Variants in KIF16B observed in about 807,000 individuals in gnomAD.
KIF16B encodes the protein kinesin-like protein KIF16B.
Under a neutral mutation model 156.3 loss-of-function variants are expected in KIF16B, and 98 were observed. The ratio of observed to expected loss-of-function variants is 0.63; its 90% CI spans 0.53 to 0.74. The LOEUF (loss-of-function observed/expected upper bound fraction) is 0.74, where lower values mean the gene tolerates loss of function less well. Ranked by LOEUF, KIF16B falls within the 30% of genes least tolerant of loss-of-function variation. The pLI is 0.00. For missense variants in KIF16B, 1,421 were observed against 1,606.5 expected (o/e 0.88, Z 1.97); for synonymous variants, 564 against 583.7 (o/e 0.97, Z 0.49).
At chr20:16,330,366 T>C (rs2063926547) in intron 24 of KIF16B, among the ~76,000 whole-genome samples, 1 of 152,232 alleles carries the variant, frequency 6.6e-6, no homozygotes, top group Non-Finnish European at 1.5e-5. Flanking sequence ...AGCTGAATGA[T>C]GGTTAAGGAA....
intron 12 of KIF16B, among the ~76,000 whole-genome samples, chr20:16,483,078 T>G (rs1026671314): frequency 2.0e-5 from 3 of 152,290 alleles, no homozygotes; most frequent in Admixed American, 6.5e-5. Flanking sequence ...CTCAAAAAGT[T>G]GTTGGGAACT....
chr20:16,433,488 T>C (rs1260988981), intron 12 of KIF16B, among the ~76,000 whole-genome samples: 5 of 152,170 alleles, frequency 3.3e-5, no homozygotes, highest in Admixed American at 1.3e-4. Context: ...TTGTTTTTCC[T>C]TGAAATAAGA....
intron 23 of KIF16B, among the ~76,000 whole-genome samples, chr20:16,353,936 G>A (rs930190362): frequency 1.3e-5 from 2 of 152,134 alleles, no homozygotes; most frequent in African/African-American, 4.8e-5. Context: ...TAGCACCTAG[G>A]GACGAACAGA....
intron 15 of KIF16B, among the ~76,000 whole-genome samples, chr20:16,425,742 G>A (rs1441248242): frequency 1.3e-5 from 2 of 152,112 alleles, no homozygotes; most frequent in African/African-American, 4.8e-5. Context: ...GAGAAAAACA[G>A]CATCATTTCT....
At chr20:16,571,432 TC>T (rs1160095584) in intron 1 of KIF16B, among the ~76,000 whole-genome samples, 1 of 152,136 alleles carries the variant, frequency 6.6e-6, no homozygotes, top group African/African-American at 2.4e-5. Flanking sequence ...TTTCCTGCCA[TC>T]CCTCCATGTA....
Position 16,521,244 on chromosome 20 carries a change from C to T in KIF16B, c.231+4848G>A, listed in dbSNP as rs1038502236. ...TCTGAGCTAAAGGAGTATGTTCTAA[C>T]CCAATGCAAGGAAGCTAAGAACCTT... On this transcript the variant is annotated intron_variant, in intron 3 of 25. Transcript: ENST00000354981. Among the ~76,000 whole-genome samples, 3 of 151,950 alleles carry T rather than the reference C, an allele frequency of 2.0e-5. No individual in the cohort carries two copies. In the East Asian group the frequency reaches 5.8e-4, roughly 29 times the overall value.
At chr20:16,558,297 T>C (rs1213204067) in intron 1 of KIF16B, among the ~76,000 whole-genome samples, 1 of 152,202 alleles carries the variant, frequency 6.6e-6, no homozygotes, top group East Asian at 1.9e-4. Flanking sequence ...TACTGGAACG[T>C]GGCTCCTAGC....
chr20:16,513,849 C>A (rs765643144), intron 4 of KIF16B, among the ~76,000 whole-genome samples: 14 of 152,012 alleles, frequency 9.2e-5, no homozygotes, highest in Admixed American at 2.0e-4. Flanking sequence ...TAGTAAAAAT[C>A]AGGCAAAATG....
At chr20:16,448,876 CAGAGAGAGAG>C (rs138248990) in intron 12 of KIF16B, among the ~76,000 whole-genome samples, 6 of 145,360 alleles carry the variant, frequency 4.1e-5, no homozygotes, top group Non-Finnish European at 7.6e-5. Context: ...AGAAATATGA[CAGAGAGAGAG>C]AGAGAGAGAG....
chr20:16,420,751 G>A (rs892180432), intron 15 of KIF16B, among the ~76,000 whole-genome samples: 24 of 152,022 alleles, frequency 1.6e-4, no homozygotes, highest in African/African-American at 5.6e-4. Flanking sequence ...CAAATACAGT[G>A]AGGTCCATTC....
intron 12 of KIF16B, among the ~76,000 whole-genome samples, chr20:16,451,956 G>A (rs2067092975): frequency 1.3e-5 from 2 of 152,180 alleles, no homozygotes; most frequent in Admixed American, 6.5e-5. Context: ...AGCTGGAAGA[G>A]TAACTAGAAC....
At chr20:16,359,230 C>A (rs1283059943) in intron 22 of KIF16B, among the ~76,000 whole-genome samples, 1 of 152,088 alleles carries the variant, frequency 6.6e-6, no homozygotes, top group Non-Finnish European at 1.5e-5. Flanking sequence ...TGGAGGTAGG[C>A]CCCGTGGGAG....
At chr20:16,294,626 G>A (rs930533473) in intron 25 of KIF16B, among the ~76,000 whole-genome samples, 1 of 152,180 alleles carries the variant, frequency 6.6e-6, no homozygotes, top group Non-Finnish European at 1.5e-5. Context: ...CTGGGTCAGG[G>A]TCCATGGGGG....
chr20:16,286,591 TG>T (rs2063226111), intron 25 of KIF16B, among the ~76,000 whole-genome samples: 2 of 152,218 alleles, frequency 1.3e-5, no homozygotes, highest in Non-Finnish European at 2.9e-5. Flanking sequence ...TTCATCTCTC[TG>T]GGCAGAATCA....
chr20:16,356,298 C>T (rs1354788505), intron 23 of KIF16B, 32 bp downstream of exon 23: 3 of 1,613,732 alleles, frequency 1.9e-6, no homozygotes, highest in Admixed American at 3.3e-5. Flanking sequence ...TCTCCAACCT[C>T]CATTCTCCAG....
chr20:16,356,296 C>T (rs775139951), intron 23 of KIF16B, 34 bp downstream of exon 23: 60 of 1,613,524 alleles, frequency 3.7e-5, no homozygotes, highest in Non-Finnish European at 4.8e-5. Context: ...AGTCTCCAAC[C>T]TCCATTCTCC....
chr20:16,386,962 G>A (rs898839790), intron 17 of KIF16B, among the ~76,000 whole-genome samples: 14 of 152,164 alleles, frequency 9.2e-5, no homozygotes, highest in Non-Finnish European at 1.9e-4. Flanking sequence ...CATAGTACAG[G>A]TAGGGGCAGT....
rs567712541 is a variant in KIF16B, at chr20:16,324,697, G to A, written c.3711+11229C>T. On this transcript the variant is annotated intron_variant, in intron 24 of 25. Coordinates refer to ENST00000354981, the MANE Select transcript of KIF16B (RefSeq NM_024704.5). ...CTTTACACTAATGAAAAATCAACCC[G>A]CAGCTGAATTCTATCAGACATTCAA... is the stretch of plus-strand genomic sequence containing the variant. Among the ~76,000 whole-genome samples the A allele has an allele frequency of 1.8e-4, 27 of 151,804 alleles. No homozygotes were observed. The South Asian group carries it at 3.3e-3, about 19-fold the overall frequency.
At chr20:16,273,560 G>T in intron 25 of KIF16B, 149 bp from the exon 26 acceptor site, 1 of 636,772 alleles carries the variant, frequency 1.6e-6, no homozygotes. Context: ...ACAGGGTGGT[G>T]CACTGAGGCA....
Sources: allele counts gnomAD v4.1 joint callset (sites outside exome capture counted in the v4.1 genomes callset), GRCh38; gene constraint gnomAD v4.1.1; transcripts MANE v1.5; gene names NCBI Gene and HGNC (gene_info 2026-07-23, HGNC 2026-07-21).